Variants in PRMT8 observed in about 807,000 individuals in gnomAD.
PRMT8 encodes the protein protein arginine N-methyltransferase 8.
PRMT8 carries 7 observed loss-of-function variants against 47.1 expected under a neutral mutation model. The ratio of observed to expected loss-of-function variants is 0.15; its 90% CI spans 0.08 to 0.28. The LOEUF is 0.28. Ranked by LOEUF, PRMT8 falls within the 10% of genes least tolerant of loss-of-function variation. The pLI, the probability that PRMT8 is intolerant of heterozygous loss-of-function variation, is 1.00. For missense variants in PRMT8, 237 were observed against 505.4 expected, an observed-to-expected ratio of 0.47 and a Z score of 5.09; for synonymous variants, 188 against 186.5, an observed-to-expected ratio of 1.01 and a Z score of -0.07.
intron 1 of PRMT8, among the ~76,000 whole-genome samples, chr12:3,464,838 G>T (rs1481433213): frequency 6.6e-6 from 1 of 152,086 alleles, no homozygotes; most frequent in African/African-American, 2.4e-5. Flanking sequence ...AGGAAATTTT[G>T]CTATGAAACC....
intron 1 of PRMT8, among the ~76,000 whole-genome samples, chr12:3,400,808 C>T (rs955406912): frequency 1.3e-5 from 2 of 152,132 alleles, no homozygotes; most frequent in Non-Finnish European, 2.9e-5. Context: ...AGCTTATCCA[C>T]CAGGATCAAG....
At chr12:3,539,865 GA>G (rs1343923724) in intron 1 of PRMT8, among the ~76,000 whole-genome samples, 1 of 152,194 alleles carries the variant, frequency 6.6e-6, no homozygotes, top group African/African-American at 2.4e-5. Context: ...CTGTGAATCA[GA>G]AACTAGGGGG....
chr12:3,540,556 C>T (rs763694961), intron 1 of PRMT8, 50 bp from the exon 2 acceptor site: 67 of 1,269,444 alleles, frequency 5.3e-5, no homozygotes, highest in South Asian at 3.4e-4. Context: ...CCTCCGAGGG[C>T]GGGACCCCGT....
At chr12:3,391,390 G>A (rs1468290438) in intron 1 of PRMT8, among the ~76,000 whole-genome samples, 1 of 152,216 alleles carries the variant, frequency 6.6e-6, no homozygotes, top group Non-Finnish European at 1.5e-5. Context: ...AAGGCTAGAA[G>A]GAAGTCAGGG....
rs1402240466 is a variant in PRMT8, at chr12:3,409,526, A to G, written c.48+28084A>G. On this transcript the variant is annotated intron_variant, in intron 1 of 9. Coordinates refer to the PRMT8 transcript ENST00000452611. The surrounding 1 kb of genome is among the most constrained non-coding windows in gnomAD (Gnocchi z 4.4). ...CTCAGGAAGCATGGAGCAGCACAGC[A>G]ATGACTCTATTCATCGAGGAGGTGG... 6.6e-6 allele frequency among the ~76,000 whole-genome samples: 1 copy of G among 152,108 alleles called. No homozygotes were observed. The highest frequency in any genetic ancestry group is 2.4e-5 in the African/African-American group (1 of 41,420).
intron 8 of PRMT8, 69 bp from the exon 9 acceptor site, chr12:3,592,162 A>G: frequency 6.7e-7 from 1 of 1,496,138 alleles, no homozygotes; most frequent in Non-Finnish European, 8.8e-7. Flanking sequence ...GCAGGGTCCC[A>G]GCCTCATCCC....
At chr12:3,584,318 T>G (rs1410984700) in intron 8 of PRMT8, among the ~76,000 whole-genome samples, 1 of 152,150 alleles carries the variant, frequency 6.6e-6, no homozygotes, top group Non-Finnish European at 1.5e-5. Context: ...TTTAAAGCCC[T>G]TTTCCCAAAT....
At chr12:3,424,700 C>A (rs1864582958) in intron 1 of PRMT8, among the ~76,000 whole-genome samples, 1 of 152,188 alleles carries the variant, frequency 6.6e-6, no homozygotes, top group Non-Finnish European at 1.5e-5. Flanking sequence ...TCCTGGGCTA[C>A]ATACCTTGTA....
At chr12:3,551,076 A>ACCCCCCCCCCCCCCCC (rs3837513) in intron 3 of PRMT8, 94 of 137,168 alleles carry the variant, frequency 6.9e-4, no homozygotes, top group African/African-American at 7.6e-4. Flanking sequence ...AGCCCTGGGG[A>ACCCCCCCCCCCCCCCC]CCCCCCCCCG....
In PRMT8 at chr12:3,529,681, T is replaced by C. The variant is rs553930284; in HGVS notation, c.76-10925T>C. On this transcript the variant is annotated intron_variant, in intron 1 of 9. Transcript: ENST00000382622. ...AGTCTATGGAAACCAGGTGAGAATCTAGATTAAGTTGGTATGGCTATGATT... is the reference window on the plus strand; with the variant it reads ...AGTCTATGGAAACCAGGTGAGAATCCAGATTAAGTTGGTATGGCTATGATT... 1.1e-3 allele frequency among the ~76,000 whole-genome samples: 168 copies of C among 152,342 alleles called. 2 individuals are homozygous for C. The highest frequency in any genetic ancestry group is 3.8e-3 in the African/African-American group (158 of 41,584).
intron 1 of PRMT8, among the ~76,000 whole-genome samples, chr12:3,444,286 G>C (rs534707013): frequency 7.2e-5 from 11 of 152,282 alleles, no homozygotes; most frequent in African/African-American, 2.4e-4. Flanking sequence ...TCCTGGCCTA[G>C]TGTTGACTTC....
Position 3,413,767 on chromosome 12 carries a change from A to AAT in PRMT8, c.48+32326_48+32327insTA, listed in dbSNP as rs1481358204. 4.1e-3 allele frequency among the ~76,000 whole-genome samples: 619 copies of AAT among 152,328 alleles called. 7 individuals carry two copies. The highest frequency in any genetic ancestry group is 0.014 in the African/African-American group (566 of 41,564). The stretch of plus-strand genomic sequence containing the variant: ...GTACATGACTGTATTCGGGGGAAAA[A>AAT]AAACCAATAAAAAATAATGCAAATT... On this transcript the variant is annotated intron_variant, in intron 1 of 9. Transcript: ENST00000452611.
intron 4 of PRMT8, 107 bp downstream of exon 4, chr12:3,553,821 G>A (rs1455080094): frequency 3.2e-5 from 34 of 1,079,276 alleles, no homozygotes; most frequent in Non-Finnish European, 4.6e-5. Flanking sequence ...TGGACTTGGG[G>A]AGGTGGTGCA....
At chr12:3,526,236 TG>T (rs1865948563) in intron 1 of PRMT8, among the ~76,000 whole-genome samples, 1 of 152,240 alleles carries the variant, frequency 6.6e-6, no homozygotes. Context: ...AAAGTGTGTG[TG>T]TATACCATAT....
chr12:3,426,837 C>T (rs114640563), intron 1 of PRMT8, among the ~76,000 whole-genome samples: 2,623 of 152,120 alleles, frequency 0.017, 83 homozygotes, highest in African/African-American at 0.058. Context: ...TATCCCCTTT[C>T]TGCTGTATGA....
intron 1 of PRMT8, among the ~76,000 whole-genome samples, chr12:3,448,690 T>A (rs1864884342): frequency 6.6e-6 from 1 of 152,180 alleles, no homozygotes; most frequent in East Asian, 1.9e-4. Context: ...TCACCCTAAA[T>A]GAAAACCACC....
chr12:3,384,388 T>A (rs1488563038), intron 1 of PRMT8, among the ~76,000 whole-genome samples: 1 of 152,230 alleles, frequency 6.6e-6, no homozygotes, highest in Non-Finnish European at 1.5e-5. Flanking sequence ...CCAAACAATA[T>A]ACTATTTACA....
intron 4 of PRMT8, among the ~76,000 whole-genome samples, chr12:3,561,375 C>T (rs927505914): frequency 7.9e-5 from 12 of 152,170 alleles, no homozygotes; most frequent in East Asian, 1.9e-4. Flanking sequence ...TGCTGCCAAG[C>T]GATACCTCCT....
chr12:3,484,956 G>A (rs1340988615), intron 1 of PRMT8, among the ~76,000 whole-genome samples: 2 of 152,180 alleles, frequency 1.3e-5, no homozygotes, highest in African/African-American at 4.8e-5. Flanking sequence ...GGTATGGGCA[G>A]GGGTGGCAGG....
Sources: gnomAD v4.1 joint callset for allele counts (sites outside exome capture counted in the v4.1 genomes callset) on GRCh38, gnomAD v4.1.1 for gene constraint, Gnocchi (gnomAD v3.1) non-coding constraint, MANE v1.5 for transcripts, NCBI Gene and HGNC (gene_info 2026-07-23, HGNC 2026-07-21) for gene names.